CFHR4: variants seen among roughly 807,000 people sequenced by gnomAD.
CFHR4 encodes the protein complement factor H related 4, also known as complement factor H-related protein 4.
Under a neutral mutation model 69.3 loss-of-function variants are expected in CFHR4, and 64 were observed. The observed-to-expected ratio is 0.92, with a 90% CI of 0.76 to 1.14. CFHR4 has a LOEUF of 1.14. CFHR4 is among the 50% of genes most tolerant of loss of function. The pLI, the probability that CFHR4 is intolerant of heterozygous loss-of-function variation, is 0.00. For synonymous variants in CFHR4, 244 were observed against 237.0 expected, an observed-to-expected ratio of 1.03 and a Z score of -0.27; for missense variants, 636 against 684.9, an observed-to-expected ratio of 0.93 and a Z score of 0.80.
chr1:196,889,889 C>G (rs1428060932), intron 1 of CFHR4, among the ~76,000 whole-genome samples: 1 of 151,234 alleles, frequency 6.6e-6, no homozygotes, highest in South Asian at 2.1e-4. Flanking sequence ...AGAGAAAGAC[C>G]ACGTAAGGCA....
chr1:196,899,225 T>A (rs761180616), intron 1 of CFHR4, among the ~76,000 whole-genome samples: 16 of 151,566 alleles, frequency 1.1e-4, no homozygotes, highest in Non-Finnish European at 2.4e-4. Flanking sequence ...ATATTCTTTT[T>A]TTTTTCTATC....
chr1:196,907,870 T>C (rs917639346), intron 5 of CFHR4, among the ~76,000 whole-genome samples: 3 of 151,364 alleles, frequency 2.0e-5, no homozygotes, highest in South Asian at 4.2e-4. Flanking sequence ...TTGAAAACAC[T>C]GTTTTAAAAA....
rs1657684527 is a variant in CFHR4, at chr1:196,902,583, A to G, written c.224A>G (p.Gln75Arg). ...TACTGGGATTACATTCATTGCACAC[A>G]AGATGGTTGGTCACCAACGGTCCCA... ...GSYWDYIHCT[Q>R]DGWSPTVPCL... is the part of the protein sequence containing the mutation. Residue 75 changes from glutamine to arginine, a missense_variant, in exon 2 of 10, where the codon CAA becomes CGA. Gln to Arg is a conservative substitution (Grantham distance 43, BLOSUM62 1). Coordinates refer to ENST00000608469, the MANE Select transcript of CFHR4 (RefSeq NM_001201550.3). 1.2e-6 allele frequency: 2 copies of G among 1,612,328 alleles called. No homozygotes were observed. The highest frequency in any genetic ancestry group is 1.7e-6 in the Non-Finnish European group (2 of 1,179,334).
intron 9 of CFHR4, among the ~76,000 whole-genome samples, chr1:196,917,100 G>A (rs1467315583): frequency 6.6e-6 from 1 of 151,516 alleles, no homozygotes; most frequent in African/African-American, 2.4e-5. Flanking sequence ...GATCTCAAAA[G>A]TGATATGTAC....
chr1:196,896,666 C>A (rs1186772544), intron 1 of CFHR4, among the ~76,000 whole-genome samples: 2 of 151,494 alleles, frequency 1.3e-5, no homozygotes, highest in Non-Finnish European at 1.5e-5. Context: ...GTGCTAGGAG[C>A]TAAAATTGAC....
rs1187769357 is a variant in CFHR4 at position 196,917,757 on chromosome 1, C to G, written c.1541-453C>G. ...ACCTTTCTACAGTTCTTTTTCTACA[C>G]TGTGGGCATAAGAGAAAAATATAAA... On this transcript the variant is annotated intron_variant, in intron 9 of 9. Coordinates refer to ENST00000608469, the MANE Select transcript of CFHR4 (RefSeq NM_001201550.3). 2.0e-5 allele frequency among the ~76,000 whole-genome samples: 3 copies of G among 151,390 alleles called. No individual in the cohort carries two copies. In the South Asian group the frequency reaches 6.3e-4, roughly 32 times the overall value.
Position 196,905,169 on chromosome 1 carries a change from T to A in CFHR4, c.318T>A (p.Ile106=), listed in dbSNP as rs1657843046. 1.9e-6 allele frequency: 3 copies of A among 1,609,004 alleles called. No homozygotes were observed. Among genetic ancestry groups the A allele is most frequent in the Non-Finnish European group, 2.5e-6 (3 of 1,177,724 alleles). Residue 106 remains isoleucine (I), a synonymous_variant, in exon 3 of 10, where the codon ATT becomes ATA. Coordinates refer to ENST00000608469, the MANE Select transcript of CFHR4 (RefSeq NM_001201550.3). ...GATTCATTTCTGAATCTTCCTCTAT[T>A]TATATTTTAAATGAAGAAACACAAT... ...ENGFISESSS[I]YILNEETQYN... is the part of the protein sequence containing the mutation.
Position 196,907,044 on chromosome 1 carries a change from A to G in CFHR4, c.616+7A>G. ...CATTTGCCAACATGCTATAGTAAGT[A>G]TTTTATTCAAGTATTTCTTTTTACT... On this transcript the variant is annotated splice_region_variant and intron_variant, in intron 4 of 9. Transcript: ENST00000608469. 1 of 1,600,052 alleles carries G rather than the reference A, an allele frequency of 6.2e-7. No individual in the cohort carries two copies. The highest frequency in any genetic ancestry group is 1.4e-5 in the African/African-American group (1 of 73,654).
intron 1 of CFHR4, among the ~76,000 whole-genome samples, chr1:196,895,279 C>A (rs114159492): frequency 0.018 from 2,702 of 151,350 alleles, 150 homozygotes; most frequent in African/African-American, 0.061. Flanking sequence ...TATAATGTAT[C>A]TTGATATCTA....
Position 196,918,376 on chromosome 1 carries a change from A to G in CFHR4, c.1707A>G (p.Glu569=). Residue 569 remains glutamate, a synonymous_variant, in exon 10 of 10, where the codon GAA becomes GAG. Transcript: ENST00000608469. The part of the protein sequence containing the change: ...SVLSFQAVCR[E]GIVEYPRCE ...TATCATTTCAAGCAGTGTGTAGGGA[A>G]GGCATAGTGGAATACCCCAGATGCG... 1.9e-6 allele frequency: 3 copies of G among 1,612,244 alleles called. No individual in the cohort carries two copies. The highest frequency in any genetic ancestry group is 2.5e-6 in the Non-Finnish European group (3 of 1,179,202).
Position 196,910,498 on chromosome 1 carries a change from A to G in CFHR4, c.997+20A>G. 1.3e-6 allele frequency: 2 copies of G among 1,586,448 alleles called. No homozygotes were observed. The highest frequency in any genetic ancestry group is 1.7e-6 in the Non-Finnish European group (2 of 1,157,418). On this transcript the variant is annotated intron_variant, in intron 6 of 9. Transcript: ENST00000608469. The stretch of plus-strand genomic sequence containing the variant: ...GCCTCAGTAAGCAAACCTCTTTACA[A>G]CAATATGTGCATAAAACTTGCAAAG...
At chr1:196,889,082 A>T (rs889779134) in intron 1 of CFHR4, among the ~76,000 whole-genome samples, 2 of 151,520 alleles carry the variant, frequency 1.3e-5, no homozygotes, top group African/African-American at 4.9e-5. Context: ...TTTTATAATT[A>T]TCCAAAACTT....
chr1:196,911,140 C>T (rs114143879), intron 6 of CFHR4, among the ~76,000 whole-genome samples: 3,190 of 151,550 alleles, frequency 0.021, 188 homozygotes, highest in African/African-American at 0.072. Context: ...AGATCTACAC[C>T]TTTAACTGGA....
chr1:196,895,678 C>A (rs960661045), intron 1 of CFHR4, among the ~76,000 whole-genome samples: 1 of 151,246 alleles, frequency 6.6e-6, no homozygotes, highest in African/African-American at 2.4e-5. Context: ...TCTTTCTTCA[C>A]ATCTTTCTTT....
At chr1:196,904,780 C>T (rs1382456307) in intron 2 of CFHR4, among the ~76,000 whole-genome samples, 2 of 151,494 alleles carry the variant, frequency 1.3e-5, no homozygotes, top group Non-Finnish European at 2.9e-5. Flanking sequence ...CTTAATAGCA[C>T]CAGAAAGGTT....
intron 7 of CFHR4, among the ~76,000 whole-genome samples, 177 bp from the exon 8 acceptor site, chr1:196,914,318 A>C (rs899715944): frequency 1.1e-4 from 16 of 151,700 alleles, no homozygotes; most frequent in African/African-American, 3.2e-4. Flanking sequence ...AAATATATTT[A>C]ACTATTGTAA....
intron 6 of CFHR4, 74 bp downstream of exon 6, chr1:196,910,552 T>C: frequency 8.0e-7 from 1 of 1,243,560 alleles, no homozygotes; most frequent in Admixed American, 1.8e-5. Flanking sequence ...AACAAATGAT[T>C]ACATTGTCTT....
At chr1:196,906,625 A>C (rs1344395617) in intron 3 of CFHR4, among the ~76,000 whole-genome samples, 1 of 151,426 alleles carries the variant, frequency 6.6e-6, no homozygotes, top group African/African-American at 2.4e-5. Flanking sequence ...AAATAGTCTT[A>C]ATATGTTTTT....
intron 1 of CFHR4, among the ~76,000 whole-genome samples, chr1:196,901,375 A>G (rs1657592113): frequency 6.6e-6 from 1 of 151,458 alleles, no homozygotes; most frequent in South Asian, 2.1e-4. Context: ...CAAGAATTCA[A>G]CATTTATAAT....
Sources: gnomAD v4.1 joint callset for allele counts (sites outside exome capture counted in the v4.1 genomes callset) on GRCh38, gnomAD v4.1.1 for gene constraint, MANE v1.5 for transcripts, NCBI Gene and HGNC (gene_info 2026-07-23, HGNC 2026-07-21) for gene names.